ANO5: variants seen among roughly 807,000 people sequenced by gnomAD.
The protein encoded by ANO5 is anoctamin 5.
In ANO5, 109 loss-of-function variants were observed where a neutral mutation model predicts 121.0. That is an observed-to-expected ratio of 0.90 (90% CI 0.77 to 1.06). The LOEUF (loss-of-function observed/expected upper bound fraction) is 1.06, where lower values mean the gene tolerates loss of function less well. ANO5 is among the 50% of genes least tolerant of loss of function. The pLI, the probability that ANO5 is intolerant of heterozygous loss-of-function variation, is 0.00. For missense variants in ANO5, 1,064 were observed against 1,078.5 expected (o/e 0.99, Z 0.19); for synonymous variants, 406 against 359.9 (o/e 1.13, Z -1.45).
chr11:22,267,160 A>C (rs76045493), intron 17 of ANO5, among the ~76,000 whole-genome samples: 4,707 of 152,208 alleles, frequency 0.031, 105 homozygotes, highest in Non-Finnish European at 0.035. Flanking sequence ...ATGCAGATGT[A>C]CTGATAAAAA....
chr11:22,224,525 T>C (rs896578756), intron 5 of ANO5, among the ~76,000 whole-genome samples: 7 of 152,074 alleles, frequency 4.6e-5, no homozygotes, highest in African/African-American at 1.7e-4. Context: ...GATAACTATA[T>C]GTGGAAGAAT....
chr11:22,198,873 CT>C (rs1158665317), intron 1 of ANO5, among the ~76,000 whole-genome samples: 6 of 152,104 alleles, frequency 3.9e-5, no homozygotes, highest in African/African-American at 1.4e-4. Flanking sequence ...AATTGGTCTC[CT>C]TTTCATTCAC....
intron 16 of ANO5, 60 bp downstream of exon 16, chr11:22,262,358 CTG>C (rs1854218426): frequency 6.4e-7 from 1 of 1,564,378 alleles, no homozygotes; most frequent in Admixed American, 1.7e-5. Context: ...TAACAACTTT[CTG>C]TGTGTCAAGC....
intron 21 of ANO5, among the ~76,000 whole-genome samples, chr11:22,276,632 C>T (rs1212764075): frequency 6.6e-6 from 1 of 151,664 alleles, no homozygotes; most frequent in Non-Finnish European, 1.5e-5. Flanking sequence ...AACATTAGCG[C>T]TGAGTCTCAA....
intron 6 of ANO5, 71 bp from the exon 7 acceptor site, chr11:22,227,231 A>G: frequency 6.4e-7 from 1 of 1,560,850 alleles, no homozygotes; most frequent in Non-Finnish European, 8.8e-7. Context: ...AATATTATCC[A>G]TCTTATTTAA....
chr11:22,278,687 G>A (rs1289773342), intron 21 of ANO5, among the ~76,000 whole-genome samples: 1 of 151,438 alleles, frequency 6.6e-6, no homozygotes, highest in African/African-American at 2.4e-5. Flanking sequence ...ATAACGTAGT[G>A]AGCTGATATT....
intron 2 of ANO5, among the ~76,000 whole-genome samples, chr11:22,204,259 T>C (rs1043795606): frequency 2.0e-5 from 3 of 152,064 alleles, no homozygotes; most frequent in Admixed American, 2.0e-4. Flanking sequence ...ATAAACACAT[T>C]AAATAGAATA....
At chr11:22,211,477 G>T (rs1852275023) in intron 3 of ANO5, among the ~76,000 whole-genome samples, 163 bp downstream of exon 3, 1 of 151,786 alleles carries the variant, frequency 6.6e-6, no homozygotes, top group Non-Finnish European at 1.5e-5. Flanking sequence ...GTTTCTTTAG[G>T]TGGGGGGAAA....
rs7104565 is a variant in ANO5 at position 22,259,303 on chromosome 11, A to T, written c.1408-216A>T. 4.6e-3 allele frequency among the ~76,000 whole-genome samples: 706 copies of T among 152,238 alleles called. 6 individuals are homozygous for T. Among genetic ancestry groups the T allele is most frequent in the African/African-American group, 0.016 (669 of 41,544 alleles). ...ATGAATACGTTTCTCTTTTAGACTT[A>T]ATCAGCAGCTACTATATGCCTTATC... is the stretch of plus-strand genomic sequence containing the variant. On this transcript the variant is annotated intron_variant, in intron 14 of 21. Coordinates refer to ENST00000324559, the MANE Select transcript of ANO5 (RefSeq NM_213599.3).
Position 22,283,270 on chromosome 11 carries a change from T to C in ANO5, c.*3505T>C, listed in dbSNP as rs965835667. The C allele has an allele frequency of 3.9e-5, 6 of 152,212 alleles. No homozygotes were observed. Among genetic ancestry groups the C allele is most frequent in the African/African-American group, 1.4e-4 (6 of 41,446 alleles). 9.4% of individuals were successfully genotyped at this position (152,212 alleles called of 1,614,324 possible). The stretch of plus-strand genomic sequence containing the variant: ...TTCCAGGAAGAGAAATATGCAGTTA[T>C]GCAGGAAAAGCTCTCTTAAATAATG... On this transcript the variant is annotated 3_prime_UTR_variant, in exon 22 of 22. Transcript: ENST00000324559.
intron 2 of ANO5, 99 bp from the exon 3 acceptor site, chr11:22,211,165 C>A: frequency 7.8e-7 from 1 of 1,274,848 alleles, no homozygotes; most frequent in South Asian, 1.2e-5. Flanking sequence ...TTAAGTGTTT[C>A]TGCATAGAGA....
At position 22,262,945 on chromosome 11, in the gene ANO5, G is replaced by C. The variant is rs2133750487; in HGVS notation, c.1801-1G>C. 1 of 1,610,014 alleles carries C rather than the reference G, an allele frequency of 6.2e-7. No homozygotes were observed. Among genetic ancestry groups the C allele is most frequent in the South Asian group, 1.1e-5 (1 of 91,002 alleles). On this transcript the variant is annotated splice_acceptor_variant, in intron 16 of 21. Coordinates refer to ENST00000324559, the MANE Select transcript of ANO5 (RefSeq NM_213599.3). LOFTEE classifies it high-confidence loss of function. ...TTTTCTCCCCTCTTGCTTCTGACTA[G>C]TGTGATCCTGGAGGCTGTCTTATAG...
At chr11:22,234,875 C>A (rs1432713199) in intron 7 of ANO5, among the ~76,000 whole-genome samples, 2 of 152,094 alleles carry the variant, frequency 1.3e-5, no homozygotes, top group African/African-American at 4.8e-5. Context: ...GTTGACCTGA[C>A]TTGACCAAAC....
intron 19 of ANO5, 95 bp downstream of exon 19, chr11:22,273,084 T>C: frequency 7.8e-7 from 1 of 1,280,918 alleles, no homozygotes; most frequent in Non-Finnish European, 1.1e-6. Flanking sequence ...GATTTCATTA[T>C]GGTGATACTT....
At chr11:22,233,007 T>A (rs973056887) in intron 7 of ANO5, among the ~76,000 whole-genome samples, 3 of 152,014 alleles carry the variant, frequency 2.0e-5, no homozygotes, top group African/African-American at 7.2e-5. Flanking sequence ...AGATACCCCT[T>A]CCCGCAAGTT....
At chr11:22,196,688 G>A (rs564684689) in intron 1 of ANO5, among the ~76,000 whole-genome samples, 18 of 152,086 alleles carry the variant, frequency 1.2e-4, no homozygotes, top group Non-Finnish European at 2.4e-4. Context: ...GGCCAACATG[G>A]TGAAACCCCA....
intron 17 of ANO5, among the ~76,000 whole-genome samples, chr11:22,267,862 G>A (rs887816989): frequency 6.6e-6 from 1 of 152,090 alleles, no homozygotes; most frequent in Non-Finnish European, 1.5e-5. Context: ...GTGAGAACAT[G>A]TGGTATTTGG....
In ANO5 at chr11:22,263,025, T is replaced by A. The variant is rs766811349; in HGVS notation, c.1880T>A (p.Ile627Asn). ...IMTGKQIFGN[I>N]KEAIYPLALN... ...ACCGGGAAACAGATTTTTGGAAACA[T>A]TAAAGAAGCCATTTATCCGTATGTA... The change falls in exon 17 of 22, where the codon ATT becomes AAT. Residue 627 changes from isoleucine to asparagine, a missense_variant. Ile to Asn is a moderately radical substitution (Grantham distance 149). Coordinates refer to ENST00000324559, the MANE Select transcript of ANO5 (RefSeq NM_213599.3). 6.2e-7 allele frequency: 1 copy of A among 1,612,166 alleles called. No homozygotes were observed. The highest frequency in any genetic ancestry group is 8.5e-7 in the Non-Finnish European group (1 of 1,178,434).
chr11:22,194,571 CCCAA>C (rs1851751169), intron 1 of ANO5, among the ~76,000 whole-genome samples: 2 of 152,194 alleles, frequency 1.3e-5, no homozygotes, highest in East Asian at 3.9e-4. Context: ...CTTTCATCAC[CCCAA>C]ATAGAAACCT....
Sources: allele counts gnomAD v4.1 joint callset (sites outside exome capture counted in the v4.1 genomes callset), GRCh38; gene constraint gnomAD v4.1.1; transcripts MANE v1.5; gene names NCBI Gene and HGNC (gene_info 2026-07-23, HGNC 2026-07-21).